The following B4GALNT2 variants were observed in gnomAD, a reference collection of about 807,000 sequenced individuals.
The protein encoded by B4GALNT2 is N-acetylneuraminylgalactosylglucosyl-glucoside beta-1,4-N- acetylgalactosaminyltransferase 2.
In B4GALNT2, 42 loss-of-function variants were observed where a neutral mutation model predicts 51.1. That is an observed-to-expected ratio of 0.82 (90% CI 0.64 to 1.06). B4GALNT2 has a LOEUF of 1.06. Among genes scored for constraint, B4GALNT2 ranks in the 50% least tolerant of loss-of-function variants. The probability of loss-of-function intolerance (pLI) is 0.00; values close to 1 mark genes in which losing one functional copy is unlikely to be tolerated. For synonymous variants in B4GALNT2, 253 were observed against 251.7 expected (o/e 1.01, Z -0.05); for missense variants, 602 against 633.6 (o/e 0.95, Z 0.54).
chr17:49,127,917 A>C (rs1454871557), upstream of B4GALNT2, among the ~76,000 whole-genome samples: 1 of 152,234 alleles, frequency 6.6e-6, no homozygotes, highest in East Asian at 1.9e-4. Flanking sequence ...GGCAAGACAG[A>C]GTGGAGAAAA....
chr17:49,128,040 C>A (rs1247679171), upstream of B4GALNT2, among the ~76,000 whole-genome samples: 1 of 152,086 alleles, frequency 6.6e-6, no homozygotes, highest in Non-Finnish European at 1.5e-5. Flanking sequence ...TTTAATTAAG[C>A]TGAGCACTCT....
At chr17:49,130,786 A>G (rs2042533588), upstream of B4GALNT2, among the ~76,000 whole-genome samples, 1 of 152,162 alleles carries the variant, frequency 6.6e-6, no homozygotes, top group African/African-American at 2.4e-5. Context: ...TGCCCAAGAT[A>G]TATGCTCTGG....
At chr17:49,132,382 G>A (rs2042546996), upstream of B4GALNT2, 1 of 199,006 alleles carries the variant, frequency 5.0e-6, no homozygotes, top group South Asian at 1.9e-4. Context: ...AGTAGGTGTG[G>A]AGTGCGTGGT....
At chr17:49,165,965 C>T in intron 8 of B4GALNT2, 149 bp from the exon 9 acceptor site, 4 of 899,724 alleles carry the variant, frequency 4.4e-6, no homozygotes, top group Non-Finnish European at 6.6e-6. Flanking sequence ...GGTTCACAGC[C>T]TTGGCTGCAC....
At chr17:49,141,527 C>T (rs2042644140) in intron 2 of B4GALNT2, 80 bp downstream of exon 2, 13 of 1,430,942 alleles carry the variant, frequency 9.1e-6, no homozygotes, top group Non-Finnish European at 8.7e-6. Flanking sequence ...CCCTACTGTG[C>T]CCATTGTACA....
chr17:49,159,253 G>A, intron 6 of B4GALNT2, 36 bp downstream of exon 6: 2 of 1,594,164 alleles, frequency 1.3e-6, no homozygotes, highest in Non-Finnish European at 1.7e-6. Context: ...AATGCTTAGG[G>A]ATCCAGAAGA....
the B4GALNT2 span, among the ~76,000 whole-genome samples, chr17:49,126,508 A>C: frequency 1.7e-4 from 25 of 151,130 alleles, no homozygotes; most frequent in African/African-American, 6.1e-4. Context: ...AAAAAAAAAA[A>C]AAAACAAACT....
intron 9 of B4GALNT2, among the ~76,000 whole-genome samples, chr17:49,166,909 C>T (rs1032039410): frequency 6.6e-6 from 1 of 152,110 alleles, no homozygotes; most frequent in African/African-American, 2.4e-5. Flanking sequence ...GTCAAGGATG[C>T]AGTGAGCTGA....
chr17:49,160,899 A>T (rs2042858218), intron 7 of B4GALNT2, among the ~76,000 whole-genome samples: 1 of 152,206 alleles, frequency 6.6e-6, no homozygotes, highest in Non-Finnish European at 1.5e-5. Flanking sequence ...AGTAAGTAAT[A>T]ATAATAAAAA....
chr17:49,123,667 A>G, the B4GALNT2 span, among the ~76,000 whole-genome samples: 3 of 152,234 alleles, frequency 2.0e-5, no homozygotes, highest in Non-Finnish European at 2.9e-5. Flanking sequence ...AGACTTTTTA[A>G]AGCTGAGCCC....
At chr17:49,156,674 A>C in intron 5 of B4GALNT2, 71 bp downstream of exon 5, 4 of 1,537,216 alleles carry the variant, frequency 2.6e-6, no homozygotes, top group Non-Finnish European at 2.7e-6. Context: ...GGCTGCTCTC[A>C]GCCTTTGACG....
At chr17:49,160,667 G>C in intron 7 of B4GALNT2, 26 bp downstream of exon 7, 1 of 1,584,832 alleles carries the variant, frequency 6.3e-7, no homozygotes, top group African/African-American at 1.3e-5. Flanking sequence ...TTGGGGCTCC[G>C]TGGTGGCAAC....
In B4GALNT2 at chr17:49,160,653, G is replaced by A. The variant is rs368777036; in HGVS notation, c.766+12G>A. 5 of 1,611,232 alleles carry A rather than the reference G, an allele frequency of 3.1e-6. No homozygotes were observed. The East Asian group carries it at 6.7e-5, about 22-fold the overall frequency. On this transcript the variant is annotated intron_variant, in intron 7 of 10. Coordinates refer to ENST00000393354, the MANE Select transcript of B4GALNT2 (RefSeq NM_001159387.2). ...CGACCCTGGACCAGGTAAGGCCCTT[G>A]TCCTTGGGGCTCCGTGGTGGCAACC... is the stretch of plus-strand genomic sequence containing the variant.
chr17:49,120,401 T>C, the B4GALNT2 span, among the ~76,000 whole-genome samples: 10 of 152,010 alleles, frequency 6.6e-5, no homozygotes, highest in Non-Finnish European at 1.2e-4. Context: ...CTTGAGGAAC[T>C]AACATTTAAC....
rs910426360 is a variant in B4GALNT2, at chr17:49,173,246, A to T, written c.*3518A>T. ...CAGTTGCTCATCTGTGTGGAATCGT[A>T]GTTGAGCATTTTCAATTAATTGTGT... On this transcript the variant is annotated 3_prime_UTR_variant, in exon 11 of 11. Coordinates refer to ENST00000393354, the MANE Select transcript of B4GALNT2 (RefSeq NM_001159387.2). The T allele has an allele frequency of 1.3e-5, 2 of 152,228 alleles. No individual in the cohort carries two copies. The highest frequency in any genetic ancestry group is 2.9e-5 in the Non-Finnish European group (2 of 68,044). 9.4% of individuals were successfully genotyped at this position (152,228 alleles called of 1,614,324 possible). A position where few individuals can be genotyped will look rare whatever the true frequency, so the allele number is the denominator to read the frequency against.
chr17:49,158,901 G>A lies in B4GALNT2; in HGVS notation c.499-136G>A. The A allele has an allele frequency of 2.9e-6, 3 of 1,050,820 alleles. No individual in the cohort carries two copies. In the East Asian group the frequency reaches 7.3e-5, roughly 26 times the overall value. 65.1% of individuals were successfully genotyped at this position (1,050,820 alleles called of 1,614,324 possible). ...CTCCCTGCAGAGCCAGCCCTACACT[G>A]TCAAGGGCACCCTGGTGCTTCTCCC... On this transcript the variant is annotated intron_variant, in intron 5 of 10. Coordinates refer to ENST00000393354, the MANE Select transcript of B4GALNT2 (RefSeq NM_001159387.2).
chr17:49,156,504 G>C lies in B4GALNT2; in HGVS notation c.461-62G>C, dbSNP rs2042811773. On this transcript the variant is annotated intron_variant, in intron 4 of 10. Coordinates refer to ENST00000393354, the MANE Select transcript of B4GALNT2 (RefSeq NM_001159387.2). ...GCAGGAGTCCATGAGGTTGGCGAGAGCAGCGGGGAGCTGCGATGTCTTTCA... is the reference window on the plus strand; with the variant it reads ...GCAGGAGTCCATGAGGTTGGCGAGACCAGCGGGGAGCTGCGATGTCTTTCA... The C allele has an allele frequency of 2.3e-5, 36 of 1,579,302 alleles. 1 individual carries two copies. The South Asian group carries it at 4.0e-4, about 18-fold the overall frequency.
At chr17:49,144,503 C>T (rs1455789398) in intron 3 of B4GALNT2, among the ~76,000 whole-genome samples, 1 of 152,218 alleles carries the variant, frequency 6.6e-6, no homozygotes, top group East Asian at 1.9e-4. Flanking sequence ...AACAGTGCTG[C>T]CGCGGGAAGC....
At chr17:49,122,079 T>C in the B4GALNT2 span, among the ~76,000 whole-genome samples, 4 of 151,964 alleles carry the variant, frequency 2.6e-5, no homozygotes, top group Non-Finnish European at 5.9e-5. Context: ...CGGGTTGGAG[T>C]GTCTCTGGTC....
Sources: gnomAD v4.1 joint callset for allele counts (sites outside exome capture counted in the v4.1 genomes callset) on GRCh38, gnomAD v4.1.1 for gene constraint, MANE v1.5 for transcripts, NCBI Gene and HGNC (gene_info 2026-07-23, HGNC 2026-07-21) for gene names.